The following FBXO46 variants were observed in gnomAD, a reference collection of about 807,000 sequenced individuals.
FBXO46 encodes the protein F-box protein 46.
FBXO46 carries 13 observed loss-of-function variants against 30.7 expected under a neutral mutation model. The observed-to-expected ratio is 0.42, with a 90% CI of 0.28 to 0.67. FBXO46 has a LOEUF of 0.67. FBXO46 is among the 30% of genes least tolerant of loss of function. The pLI, the probability that FBXO46 is intolerant of heterozygous loss-of-function variation, is 0.21. For missense variants in FBXO46, 754 were observed against 871.5 expected, an observed-to-expected ratio of 0.87 and a Z score of 1.70; for synonymous variants, 467 against 385.8, an observed-to-expected ratio of 1.21 and a Z score of -2.47.
In FBXO46 at chr19:45,713,535, C is replaced by T. The variant is rs752881109; in HGVS notation, c.-40G>A. On this transcript the variant is annotated 5_prime_UTR_variant, in exon 2 of 2. Transcript: ENST00000317683. The surrounding 1 kb of genome is among the most constrained non-coding windows in gnomAD (Gnocchi z 4.7). ...GCAGACAGGCTGGGCTTCAGCGCAT[C>T]TCAGGACCTAGGTGGTGGTGGGAGG... 2.0e-6 allele frequency: 3 copies of T among 1,493,118 alleles called. No individual in the cohort carries two copies. Among genetic ancestry groups the T allele is most frequent in the Non-Finnish European group, 2.7e-6 (3 of 1,111,608 alleles). The allele number at this position is 1,493,118 out of a possible 1,614,324, so 92.5% of individuals were successfully genotyped here.
chr19:45,712,549 C>G lies in FBXO46; in HGVS notation c.947G>C (p.Arg316Pro). 1 of 1,597,456 alleles carries G rather than the reference C, an allele frequency of 6.3e-7. No homozygotes were observed. The highest frequency in any genetic ancestry group is 8.5e-7 in the Non-Finnish European group (1 of 1,170,910). The change falls in exon 2 of 2, where the codon CGG (arginine) becomes CCG (proline). Residue 316 changes from arginine to proline, a missense_variant. Transcript: ENST00000317683. The surrounding 1 kb of genome is among the most constrained non-coding windows in gnomAD (Gnocchi z 8.8). ...CTCCACGTTGCTGGGGAGGGCATCCCGCGAGGGGCTGATGAGCTGGTATAA... is the reference window on the plus strand; with the variant it reads ...CTCCACGTTGCTGGGGAGGGCATCCGGCGAGGGGCTGATGAGCTGGTATAA... ...CDLYQLISPSRDALPSNVEFL... is the reference protein window; with the variant it reads ...CDLYQLISPSPDALPSNVEFL...
intron 1 of FBXO46, among the ~76,000 whole-genome samples, chr19:45,728,859 C>T (rs1185437671): frequency 2.0e-5 from 3 of 151,780 alleles, no homozygotes; most frequent in Non-Finnish European, 4.4e-5. Context: ...AAAAAGGCTG[C>T]GCGCAGTGGC....
At chr19:45,719,936 G>A (rs992770670) in intron 1 of FBXO46, among the ~76,000 whole-genome samples, 20 of 152,182 alleles carry the variant, frequency 1.3e-4, no homozygotes, top group African/African-American at 4.1e-4. Flanking sequence ...AGGAAACTGA[G>A]GCAGAGAATG....
At chr19:45,722,000 T>G (rs1968178959) in intron 1 of FBXO46, among the ~76,000 whole-genome samples, 1 of 152,114 alleles carries the variant, frequency 6.6e-6, no homozygotes, top group Non-Finnish European at 1.5e-5. Context: ...ATTTTCGTAT[T>G]TTTAGTAGAG....
intron 1 of FBXO46, among the ~76,000 whole-genome samples, chr19:45,714,046 TGA>T (rs1253674955): frequency 6.7e-6 from 1 of 149,242 alleles, no homozygotes; most frequent in Non-Finnish European, 1.5e-5. Flanking sequence ...GCAGAGGGGA[TGA>T]GAGATGCCCT....
At chr19:45,717,576 A>G (rs1296406557) in intron 1 of FBXO46, among the ~76,000 whole-genome samples, 1 of 152,024 alleles carries the variant, frequency 6.6e-6, no homozygotes, top group East Asian at 1.9e-4. Context: ...GCGTGGAACA[A>G]CTCCCAACGT....
At chr19:45,722,567 C>T (rs955767532) in intron 1 of FBXO46, among the ~76,000 whole-genome samples, 7 of 152,048 alleles carry the variant, frequency 4.6e-5, no homozygotes, top group African/African-American at 1.7e-4. Flanking sequence ...TCGAGACCAT[C>T]CTGGCTAACA....
In FBXO46 at chr19:45,722,470, G is replaced by A. The variant is rs137925323; in HGVS notation, c.-79+8379C>T. 2.6e-3 allele frequency among the ~76,000 whole-genome samples: 400 copies of A among 152,272 alleles called. 4 individuals are homozygous for A. The highest frequency in any genetic ancestry group is 8.8e-3 in the African/African-American group (364 of 41,550). On this transcript the variant is annotated intron_variant, in intron 1 of 1. Coordinates refer to ENST00000317683, the MANE Select transcript of FBXO46 (RefSeq NM_001080469.2). The stretch of plus-strand genomic sequence containing the variant: ...CTGAAACAAACCCAGCAGAGCACCT[G>A]GTACCAGTTTGGCACTGAGGCGTAG...
upstream of FBXO46, among the ~76,000 whole-genome samples, chr19:45,731,317 CT>C (rs58872737): frequency 0.41 from 52,765 of 129,758 alleles, 10,091 homozygotes; most frequent in East Asian, 0.6. Flanking sequence ...CCATCCCCTT[CT>C]TTTTTTTTTT....
chr19:45,714,667 A>C (rs1968063000), intron 1 of FBXO46: 2 of 152,170 alleles, frequency 1.3e-5, no homozygotes, highest in Non-Finnish European at 2.9e-5. Flanking sequence ...TGGGAGGCCG[A>C]GGTGGGCAGA....
intron 1 of FBXO46, among the ~76,000 whole-genome samples, chr19:45,718,342 C>T (rs1968128851): frequency 6.6e-6 from 1 of 152,158 alleles, no homozygotes; most frequent in Non-Finnish European, 1.5e-5. Flanking sequence ...GCCAGGGAAT[C>T]TGATTTCCTA....
chr19:45,711,301 G>A lies in FBXO46; in HGVS notation c.*383C>T, dbSNP rs1600351692. On this transcript the variant is annotated 3_prime_UTR_variant, in exon 2 of 2. Coordinates refer to ENST00000317683, the MANE Select transcript of FBXO46 (RefSeq NM_001080469.2). ...CCAGCGAGAAAGAATTGGGGTGAGG[G>A]AGAGGATGGGGGCCAGAATGGGGGG... 3 of 445,552 alleles carry A rather than the reference G, an allele frequency of 6.7e-6. No homozygotes were observed. In the East Asian group the frequency reaches 1.9e-4, roughly 28 times the overall value. 27.6% of individuals were successfully genotyped at this position (445,552 alleles called of 1,614,324 possible). A position where few individuals can be genotyped will look rare whatever the true frequency, so the allele number is the denominator to read the frequency against.
intron 1 of FBXO46, among the ~76,000 whole-genome samples, chr19:45,727,126 G>A (rs934638584): frequency 1.3e-5 from 2 of 152,070 alleles, no homozygotes; most frequent in Non-Finnish European, 2.9e-5. Context: ...ACACACGCTT[G>A]TAGTCCCAGC....
rs1331076717 is a variant in FBXO46, at chr19:45,711,261, T to C, written c.*423A>G. 2.3e-6 allele frequency: 1 copy of C among 426,564 alleles called. No individual in the cohort carries two copies. Among genetic ancestry groups the C allele is most frequent in the Non-Finnish European group, 4.5e-6 (1 of 219,852 alleles). 26.4% of individuals were successfully genotyped at this position (426,564 alleles called of 1,614,324 possible). A position where few individuals can be genotyped will look rare whatever the true frequency, so the allele number is the denominator to read the frequency against. On this transcript the variant is annotated 3_prime_UTR_variant, in exon 2 of 2. Transcript: ENST00000317683. ...GCCAACCTTGGGCGATGCGGCTTCT[T>C]GGGAAATAACAGCTCCAGCGAGAAA...
At chr19:45,724,612 G>A (rs1968213949) in intron 1 of FBXO46, among the ~76,000 whole-genome samples, 1 of 151,922 alleles carries the variant, frequency 6.6e-6, no homozygotes, top group Admixed American at 6.6e-5. Flanking sequence ...TTTGAGAGCA[G>A]CCTGGGCAAT....
intron 1 of FBXO46, among the ~76,000 whole-genome samples, chr19:45,724,908 C>T (rs1262737711): frequency 1.3e-5 from 2 of 152,182 alleles, no homozygotes; most frequent in African/African-American, 4.8e-5. Flanking sequence ...CCATGTAGGC[C>T]TCCCAAAGTG....
chr19:45,729,789 A>G (rs1352667693), intron 1 of FBXO46, among the ~76,000 whole-genome samples: 1 of 152,246 alleles, frequency 6.6e-6, no homozygotes, highest in Non-Finnish European at 1.5e-5. Flanking sequence ...TTGTAAAACA[A>G]TAAGCGTTAG....
At position 45,713,046 on chromosome 19, in the gene FBXO46, C is replaced by T. The variant is rs766068911; in HGVS notation, c.450G>A (p.Arg150=). ...CCTCCTCAGCAGCAGGGGGGCCCTCCCGGCCCCCTGGGTCAGGAGGAGCCT... is the reference window on the plus strand; with the variant it reads ...CCTCCTCAGCAGCAGGGGGGCCCTCTCGGCCCCCTGGGTCAGGAGGAGCCT... ...PTKAPPDPGG[R]EGPPAAEEGP... is the part of the protein sequence containing the mutation. The change falls in exon 2 of 2, where the codon CGG becomes CGA. Residue 150 remains arginine, a synonymous_variant. Transcript: ENST00000317683. The surrounding 1 kb of genome is among the most constrained non-coding windows in gnomAD (Gnocchi z 4.7). The T allele has an allele frequency of 3.5e-5, 54 of 1,565,132 alleles. No homozygotes were observed. Among genetic ancestry groups the T allele is most frequent in the Non-Finnish European group, 4.7e-5 (54 of 1,157,814 alleles).
At chr19:45,715,919 C>T (rs1269118351) in intron 1 of FBXO46, 1 of 152,038 alleles carries the variant, frequency 6.6e-6, no homozygotes, top group Non-Finnish European at 1.5e-5. Context: ...TTTATCTCCA[C>T]TCCATAATCC....
Sources: gnomAD v4.1 joint callset for allele counts (sites outside exome capture counted in the v4.1 genomes callset) on GRCh38, gnomAD v4.1.1 for gene constraint, Gnocchi (gnomAD v3.1) non-coding constraint, MANE v1.5 for transcripts, NCBI Gene and HGNC (gene_info 2026-07-23, HGNC 2026-07-21) for gene names.